The following DCC variants were observed in gnomAD, a reference collection of about 807,000 sequenced individuals.
The protein encoded by DCC is DCC netrin 1 receptor, also known as netrin receptor DCC.
In DCC, 58 loss-of-function variants were observed where a neutral mutation model predicts 172.5. The ratio of observed to expected loss-of-function variants is 0.34; its 90% CI spans 0.27 to 0.42. DCC has a LOEUF of 0.42. Among genes scored for constraint, DCC ranks in the 10% least tolerant of loss-of-function variants. The probability of loss-of-function intolerance (pLI) is 1.00; values close to 1 mark genes in which losing one functional copy is unlikely to be tolerated. For missense variants in DCC, 1,740 were observed against 1,791.0 expected (o/e 0.97, Z 0.51); for synonymous variants, 709 against 644.5 (o/e 1.10, Z -1.52).
chr18:53,025,519 C>A (rs573184952), intron 5 of DCC, among the ~76,000 whole-genome samples: 102 of 152,196 alleles, frequency 6.7e-4, no homozygotes, highest in African/African-American at 2.3e-3. Flanking sequence ...ACATAAGATT[C>A]AACTGTGATA....
intron 14 of DCC, among the ~76,000 whole-genome samples, chr18:53,332,333 A>T (rs182381530): frequency 2.0e-5 from 3 of 152,340 alleles, no homozygotes; most frequent in Admixed American, 2.0e-4. Flanking sequence ...TATTAAGATA[A>T]ATAGAAAACA....
At chr18:52,977,500 G>T (rs941213934) in intron 5 of DCC, among the ~76,000 whole-genome samples, 2 of 152,096 alleles carry the variant, frequency 1.3e-5, no homozygotes, top group Non-Finnish European at 2.9e-5. Context: ...TTTCTGCCCA[G>T]ATGTAAAATT....
At chr18:53,210,889 A>G (rs890854248) in intron 11 of DCC, among the ~76,000 whole-genome samples, 1 of 151,910 alleles carries the variant, frequency 6.6e-6, no homozygotes, top group Non-Finnish European at 1.5e-5. Flanking sequence ...TTATTTTCTG[A>G]GTAGAAACCT....
At chr18:53,132,960 A>G (rs915528436) in intron 7 of DCC, among the ~76,000 whole-genome samples, 1 of 152,188 alleles carries the variant, frequency 6.6e-6, no homozygotes, top group Non-Finnish European at 1.5e-5. Context: ...TGGCATCCCA[A>G]TACTAGGATA....
intron 2 of DCC, among the ~76,000 whole-genome samples, chr18:52,821,524 C>T (rs923783980): frequency 6.6e-6 from 1 of 152,084 alleles, no homozygotes; most frequent in Non-Finnish European, 1.5e-5. Context: ...TTCTTGTCTC[C>T]CTTCATCATT....
intron 22 of DCC, among the ~76,000 whole-genome samples, chr18:53,440,499 GTT>G (rs34062390): frequency 6.8e-4 from 99 of 145,974 alleles, no homozygotes; most frequent in East Asian, 1.2e-3. Flanking sequence ...TTGCAAACCT[GTT>G]TTTTTTTTTT....
intron 12 of DCC, among the ~76,000 whole-genome samples, chr18:53,261,744 C>A (rs2056606307): frequency 6.6e-6 from 1 of 152,138 alleles, no homozygotes; most frequent in South Asian, 2.1e-4. Flanking sequence ...TGTGATCCAC[C>A]TGCCTTGGCC....
chr18:53,145,594 T>C (rs886973744), intron 7 of DCC, among the ~76,000 whole-genome samples: 4 of 152,186 alleles, frequency 2.6e-5, no homozygotes, highest in Non-Finnish European at 4.4e-5. Flanking sequence ...GTGAGAAATA[T>C]ATTTCTGCTG....
chr18:52,841,073 T>A (rs1472669199), intron 2 of DCC, among the ~76,000 whole-genome samples: 2 of 152,162 alleles, frequency 1.3e-5, no homozygotes, highest in Non-Finnish European at 2.9e-5. Context: ...GAGACTTGAA[T>A]GAGGAGAAGT....
intron 1 of DCC, among the ~76,000 whole-genome samples, chr18:52,545,494 A>G (rs1454220805): frequency 6.6e-6 from 1 of 152,168 alleles, no homozygotes; most frequent in East Asian, 1.9e-4. Context: ...GCTTCCCAGA[A>G]CTTTTGTTAT....
intron 5 of DCC, among the ~76,000 whole-genome samples, chr18:52,980,257 C>T (rs1428498723): frequency 6.6e-6 from 1 of 152,108 alleles, no homozygotes. Flanking sequence ...ATGACATGGT[C>T]TGTGCAATGC....
At chr18:52,717,253 A>G (rs1219992145) in intron 1 of DCC, among the ~76,000 whole-genome samples, 1 of 152,110 alleles carries the variant, frequency 6.6e-6, no homozygotes. Context: ...GCTAAATAAA[A>G]GTGTTTTATT....
intron 1 of DCC, among the ~76,000 whole-genome samples, chr18:52,641,850 C>CA: frequency 6.6e-6 from 1 of 151,926 alleles, no homozygotes; most frequent in South Asian, 2.1e-4. Context: ...TTTGATCCAG[C>CA]AATCCCACTA....
At chr18:52,356,789 T>TA in intron 1 of DCC, among the ~76,000 whole-genome samples, 1 of 22,266 alleles carries the variant, frequency 4.5e-5, no homozygotes, top group East Asian at 3.0e-3. Flanking sequence ...ACCTAAATCA[T>TA]TTTTTTTTTT....
chr18:53,300,994 T>TTCTTTCTTTCTTTTCTTTTC (rs1555649245), intron 12 of DCC, among the ~76,000 whole-genome samples: 2 of 134,610 alleles, frequency 1.5e-5, no homozygotes, highest in African/African-American at 5.7e-5. Flanking sequence ...TCTTTCTTTT[T>TTCTTTCTTTCTTTTCTTTTC]TTTTCTTTTC....
chr18:52,630,370 G>A (rs1290523729), intron 1 of DCC, among the ~76,000 whole-genome samples: 1 of 152,104 alleles, frequency 6.6e-6, no homozygotes, highest in East Asian at 1.9e-4. Flanking sequence ...TGAAGAAAAA[G>A]CTCAGTCTTT....
Position 53,450,649 on chromosome 18 carries a change from G to A in DCC, c.3379G>A (p.Ala1127Thr). 6.2e-7 allele frequency: 1 copy of A among 1,613,660 alleles called. No homozygotes were observed. Among genetic ancestry groups the A allele is most frequent in the Non-Finnish European group, 8.5e-7 (1 of 1,179,640 alleles). Reference sequence around the variant, plus strand: ...TGTGATTTGCACCCGACGCTCTTCAGCCCAGCAGAGAAAGTAGGTAACAGC... The same window carrying A: ...TGTGATTTGCACCCGACGCTCTTCAACCCAGCAGAGAAAGTAGGTAACAGC... The part of the protein sequence containing the change: ...VAVICTRRSS[A>T]QQRKKRATHS... The change falls in exon 23 of 29, where the codon GCC becomes ACC. Residue 1127 changes from alanine (A) to threonine (T), a missense_variant. Physicochemically the swap from Ala to Thr is moderately conservative, Grantham distance 58 (BLOSUM62 0). Around this residue, in one of 2 missense-constraint regions of DCC, gnomAD observed 1,732 missense variants for 1,767.4 expected, o/e 0.98. Coordinates refer to ENST00000442544, the MANE Select transcript of DCC (RefSeq NM_005215.4).
At chr18:52,539,280 A>T (rs2032373793) in intron 1 of DCC, among the ~76,000 whole-genome samples, 1 of 152,170 alleles carries the variant, frequency 6.6e-6, no homozygotes, top group Non-Finnish European at 1.5e-5. Flanking sequence ...CTCTACCAAG[A>T]TCTAAGAGGG....
chr18:53,194,661 G>A (rs771662557), intron 9 of DCC, among the ~76,000 whole-genome samples: 1 of 152,022 alleles, frequency 6.6e-6, no homozygotes, highest in Non-Finnish European at 1.5e-5. Flanking sequence ...GTAGAGACAG[G>A]GTTTCACCCT....
Sources: gnomAD v4.1 joint callset for allele counts (sites outside exome capture counted in the v4.1 genomes callset) on GRCh38, gnomAD v4.1.1 for gene constraint, gnomAD v4.1.1 regional missense constraint, MANE v1.5 for transcripts, NCBI Gene and HGNC (gene_info 2026-07-23, HGNC 2026-07-21) for gene names.